C10orf90: variants seen among roughly 807,000 people sequenced by gnomAD.
C10orf90 encodes chromosome 10 open reading frame 90, also known as (E2-independent) E3 ubiquitin-conjugating enzyme FATS.
In C10orf90, 56 loss-of-function variants were observed where a neutral mutation model predicts 62.5. That is an observed-to-expected ratio of 0.90 (90% confidence interval 0.72 to 1.12). The LOEUF (loss-of-function observed/expected upper bound fraction) is 1.12, where lower values mean the gene tolerates loss of function less well. Ranked by LOEUF, C10orf90 falls within the 50% of genes most tolerant of loss-of-function variation. The pLI, the probability that C10orf90 is intolerant of heterozygous loss-of-function variation, is 0.00. For synonymous variants in C10orf90, 386 were observed against 340.4 expected, an observed-to-expected ratio of 1.13 and a Z score of -1.47; for missense variants, 970 against 880.4, an observed-to-expected ratio of 1.10 and a Z score of -1.29.
At chr10:126,469,224 A>G (rs575650839) in intron 4 of C10orf90, among the ~76,000 whole-genome samples, 4 of 152,238 alleles carry the variant, frequency 2.6e-5, no homozygotes, top group Admixed American at 2.6e-4. Context: ...AACTCACATT[A>G]GAATCATTTA....
rs960792988 is a variant in C10orf90 at position 126,527,529 on chromosome 10, C to T, written c.314-13590G>A. On this transcript the variant is annotated intron_variant, in intron 2 of 9. Coordinates refer to ENST00000488181, the MANE Select transcript of C10orf90 (RefSeq NM_001350921.2). ...CGTAAGGCAGCATCTCGTATCTCTGCACCTTCAATGGCAGAGCATTTCTGT... is the reference window on the plus strand; with the variant it reads ...CGTAAGGCAGCATCTCGTATCTCTGTACCTTCAATGGCAGAGCATTTCTGT... Among the ~76,000 whole-genome samples, 5 of 152,382 alleles carry T rather than the reference C, an allele frequency of 3.3e-5. No individual in the cohort carries two copies. The East Asian group carries it at 9.6e-4, about 29-fold the overall frequency.
At chr10:126,442,487 A>ATATATATATATATATATATATATC (rs1858420911) in intron 7 of C10orf90, among the ~76,000 whole-genome samples, 1 of 96,574 alleles carries the variant, frequency 1.0e-5, no homozygotes, top group Non-Finnish European at 2.1e-5. Flanking sequence ...TCATATATAT[A>ATATATATATATATATATATATATC]TATATATATA....
At chr10:126,579,071 T>TAAA (rs145344173) in intron 2 of C10orf90, among the ~76,000 whole-genome samples, 20 of 142,456 alleles carry the variant, frequency 1.4e-4, no homozygotes, top group African/African-American at 4.9e-4. Flanking sequence ...AGTTTTTTTT[T>TAAA]AAAAAAAAAA....
At chr10:126,654,810 C>T (rs76976939) in intron 1 of C10orf90, among the ~76,000 whole-genome samples, 3,535 of 152,280 alleles carry the variant, frequency 0.023, 119 homozygotes, top group African/African-American at 0.079. Context: ...GATGTGAACA[C>T]TTCCTTTCAC....
chr10:126,452,286 A>G (rs988089660), intron 7 of C10orf90, among the ~76,000 whole-genome samples: 8 of 152,212 alleles, frequency 5.3e-5, no homozygotes, highest in Admixed American at 1.3e-4. Context: ...AAGGAATTTT[A>G]TCAATGACTT....
intron 2 of C10orf90, among the ~76,000 whole-genome samples, chr10:126,541,394 C>G (rs995293934): frequency 6.6e-6 from 1 of 151,840 alleles, no homozygotes; most frequent in Admixed American, 6.6e-5. Flanking sequence ...AGGGCATCAT[C>G]AAGAAAGTGA....
At chr10:126,598,639 G>A (rs1261236522) in intron 2 of C10orf90, among the ~76,000 whole-genome samples, 5 of 152,122 alleles carry the variant, frequency 3.3e-5, no homozygotes, top group East Asian at 1.9e-4. Context: ...GGAGTACACC[G>A]TTTCACTTGC....
intron 2 of C10orf90, among the ~76,000 whole-genome samples, chr10:126,593,424 A>T (rs1845021540): frequency 1.3e-5 from 2 of 152,226 alleles, no homozygotes; most frequent in Admixed American, 6.5e-5. Flanking sequence ...TTCTCAGCAA[A>T]CTAACACAGG....
chr10:126,513,148 T>C (rs1442191009), intron 3 of C10orf90, among the ~76,000 whole-genome samples: 1 of 152,200 alleles, frequency 6.6e-6, no homozygotes. Context: ...AAGTCCATAC[T>C]GTAAATCTGG....
chr10:126,472,389 T>C (rs1489131315), intron 4 of C10orf90, among the ~76,000 whole-genome samples: 1 of 152,294 alleles, frequency 6.6e-6, no homozygotes, highest in East Asian at 1.9e-4. Context: ...TTCTAGTACA[T>C]TAATATATGA....
In C10orf90 at chr10:126,425,573, T is replaced by C. The variant is rs1857217024; in HGVS notation, c.*291A>G. On this transcript the variant is annotated 3_prime_UTR_variant, in exon 10 of 10. Transcript: ENST00000488181. ...GCAGGAAACAGCAGGGGAGAAGAAA[T>C]CAGAAGCAAAAGGTACAATTTAGAA... The C allele has an allele frequency of 7.2e-6, 3 of 418,744 alleles. No individual in the cohort carries two copies. Among genetic ancestry groups the C allele is most frequent in the Non-Finnish European group, 1.3e-5 (3 of 238,414 alleles). 25.9% of individuals were successfully genotyped at this position (418,744 alleles called of 1,614,324 possible).
At chr10:126,601,751 G>A (rs532961777) in intron 2 of C10orf90, among the ~76,000 whole-genome samples, 1 of 152,240 alleles carries the variant, frequency 6.6e-6, no homozygotes. Flanking sequence ...CCAGCAAGTA[G>A]CCCTCCTAAA....
At chr10:126,556,509 T>C (rs755608301) in intron 2 of C10orf90, among the ~76,000 whole-genome samples, 15 of 152,192 alleles carry the variant, frequency 9.9e-5, no homozygotes, top group African/African-American at 3.4e-4. Flanking sequence ...TTTCAATAAA[T>C]GTACGGTATA....
chr10:126,549,691 T>C (rs1039710141), intron 2 of C10orf90, among the ~76,000 whole-genome samples: 3 of 151,676 alleles, frequency 2.0e-5, no homozygotes, highest in African/African-American at 7.3e-5. Flanking sequence ...TGAAGAGTTG[T>C]GTTTACACAA....
chr10:126,624,647 A>G (rs1845708452), intron 2 of C10orf90, among the ~76,000 whole-genome samples: 1 of 152,184 alleles, frequency 6.6e-6, no homozygotes, highest in South Asian at 2.1e-4. Context: ...TGAGTCAAAT[A>G]ACCTGAGATT....
Position 126,472,683 on chromosome 10 carries a change from A to G in C10orf90, c.1535-7697T>C, listed in dbSNP as rs571076841. On this transcript the variant is annotated intron_variant, in intron 4 of 9. Coordinates refer to ENST00000488181, the MANE Select transcript of C10orf90 (RefSeq NM_001350921.2). ...CTGCATGTTAAAAATTGGAAGAAAA[A>G]AAAATCAAGGTAATCTTCCAGGCGT... 1.2e-4 allele frequency among the ~76,000 whole-genome samples: 19 copies of G among 152,330 alleles called. No individual in the cohort carries two copies. In the East Asian group the frequency reaches 1.9e-3, roughly 15 times the overall value.
At chr10:126,644,793 G>T (rs1020262771) in intron 2 of C10orf90, among the ~76,000 whole-genome samples, 1 of 152,218 alleles carries the variant, frequency 6.6e-6, no homozygotes, top group Non-Finnish European at 1.5e-5. Flanking sequence ...CCACCTCTGA[G>T]TGCTCTGAGG....
At chr10:126,534,243 C>A (rs1271947372) in intron 2 of C10orf90, among the ~76,000 whole-genome samples, 1 of 152,218 alleles carries the variant, frequency 6.6e-6, no homozygotes, top group Admixed American at 6.5e-5. Context: ...TTGTGCCAAA[C>A]TCAGGTTTCT....
intron 7 of C10orf90, among the ~76,000 whole-genome samples, chr10:126,443,337 A>T (rs1233859023): frequency 6.6e-6 from 1 of 152,178 alleles, no homozygotes; most frequent in Admixed American, 6.5e-5. Context: ...GGGAGATATT[A>T]CAACTGATAC....
Sources: gnomAD v4.1 joint callset for allele counts (sites outside exome capture counted in the v4.1 genomes callset) on GRCh38, gnomAD v4.1.1 for gene constraint, MANE v1.5 for transcripts, NCBI Gene and HGNC (gene_info 2026-07-23, HGNC 2026-07-21) for gene names.